SLTM: variants seen among roughly 807,000 people sequenced by gnomAD.
The protein encoded by SLTM is SAFB like transcription modulator.
In SLTM, 43 loss-of-function variants were observed where a neutral mutation model predicts 134.6. The observed-to-expected ratio is 0.32, with a 90% CI of 0.25 to 0.41. SLTM has a LOEUF of 0.41. Ranked by LOEUF, SLTM falls within the 10% of genes least tolerant of loss-of-function variation. The pLI, the probability that SLTM is intolerant of heterozygous loss-of-function variation, is 1.00. For missense variants in SLTM, 1,055 were observed against 1,288.8 expected, an observed-to-expected ratio of 0.82 and a Z score of 2.78; for synonymous variants, 424 against 432.3, an observed-to-expected ratio of 0.98 and a Z score of 0.24.
intron 2 of SLTM, among the ~76,000 whole-genome samples, chr15:58,924,964 C>T (rs1009786726): frequency 6.6e-5 from 10 of 151,406 alleles, no homozygotes; most frequent in South Asian, 2.1e-4. Flanking sequence ...GGATTACAGG[C>T]GTGAGCCACT....
intron 12 of SLTM, 147 bp downstream of exon 12, chr15:58,893,674 A>T: frequency 1.2e-6 from 1 of 809,352 alleles, no homozygotes; most frequent in Non-Finnish European, 1.9e-6. Context: ...AAAAGAAGAC[A>T]ATTACTCCTA....
chr15:58,912,321 G>A (rs569248949), intron 5 of SLTM, among the ~76,000 whole-genome samples: 115 of 151,974 alleles, frequency 7.6e-4, no homozygotes, highest in Non-Finnish European at 1.4e-3. Flanking sequence ...GGATGGTCTC[G>A]ATCTCCTGAC....
intron 5 of SLTM, 64 bp from the exon 6 acceptor site, chr15:58,901,351 A>G: frequency 7.4e-7 from 1 of 1,353,060 alleles, no homozygotes; most frequent in Non-Finnish European, 1.0e-6. Context: ...TAGTAATAGT[A>G]CAAAATCAGC....
At chr15:58,909,317 T>C (rs1320602084) in intron 5 of SLTM, among the ~76,000 whole-genome samples, 3 of 152,056 alleles carry the variant, frequency 2.0e-5, no homozygotes, top group Non-Finnish European at 4.4e-5. Context: ...TTCAAATCCA[T>C]GAGTTCAAAA....
intron 1 of SLTM, 25 bp downstream of exon 1, chr15:58,933,379 C>T: frequency 3.8e-6 from 6 of 1,567,636 alleles, no homozygotes; most frequent in Non-Finnish European, 4.3e-6. Flanking sequence ...CTTCCCGGTC[C>T]TTTCCGGTCC....
chr15:58,912,914 G>A (rs1378356058), intron 4 of SLTM: 4 of 261,906 alleles, frequency 1.5e-5, no homozygotes, highest in Non-Finnish European at 3.0e-5. Flanking sequence ...TTCTTAAAAT[G>A]TACTAACATA....
chr15:58,880,045 C>T lies in SLTM; in HGVS notation c.3059G>A (p.Gly1020Asp), dbSNP rs200215735. The change falls in exon 21 of 21, where the codon GGC becomes GAC. Residue 1020 changes from glycine (G) to aspartate (D), a missense_variant. Around this residue, in one of 3 missense-constraint regions of SLTM, gnomAD observed 776 missense variants for 962.2 expected, o/e 0.81. Transcript: ENST00000380516. ...ACCCTTAAATGGCTTAAATCCGGAGCCACTTCCTCTTGGCATGGAATTGCC... is the reference window on the plus strand; with the variant it reads ...ACCCTTAAATGGCTTAAATCCGGAGTCACTTCCTCTTGGCATGGAATTGCC... ...ISGNSMPRGS[G>D]SGFKPFKGGP... is the part of the protein sequence containing the mutation. 6.2e-7 allele frequency: 1 copy of T among 1,614,032 alleles called. No individual in the cohort carries two copies. Among genetic ancestry groups the T allele is most frequent in the Non-Finnish European group, 8.5e-7 (1 of 1,180,004 alleles).
At chr15:58,917,617 A>G (rs931024298) in intron 2 of SLTM, among the ~76,000 whole-genome samples, 6 of 152,246 alleles carry the variant, frequency 3.9e-5, no homozygotes, top group South Asian at 2.1e-4. Flanking sequence ...GCCACTTAAC[A>G]TAATAACTGA....
At position 58,899,574 on chromosome 15, in the gene SLTM, T is replaced by A; in HGVS notation, c.953A>T (p.Glu318Val). 1 of 1,614,198 alleles carries A rather than the reference T, an allele frequency of 6.2e-7. No individual in the cohort carries two copies. The highest frequency in any genetic ancestry group is 8.5e-7 in the Non-Finnish European group (1 of 1,180,012). The change falls in exon 7 of 21, where the codon GAG becomes GTG. Residue 318 changes from glutamate to valine, a missense_variant. Glu to Val is a moderately radical substitution (Grantham distance 121). This residue lies in a region of SLTM where 776 missense variants were observed against 962.2 expected (regional missense o/e 0.81). Transcript: ENST00000380516. This position sits in a 1 kb window ranked among gnomAD's most constrained non-coding sequence, Gnocchi z 5.0. ...KEDCVKGDPV[E>V]KEARESSKKA... The stretch of plus-strand genomic sequence containing the variant: ...CTTAGAACTTTCTCTGGCTTCCTTC[T>A]CGACAGGGTCACCCTTCACGCAGTC...
chr15:58,922,485 T>C (rs1205540753), intron 2 of SLTM, among the ~76,000 whole-genome samples: 1 of 143,714 alleles, frequency 7.0e-6, no homozygotes, highest in Non-Finnish European at 1.5e-5. Context: ...GTACATAATA[T>C]ACAATATGCA....
At chr15:58,920,608 A>G (rs1452242088) in intron 2 of SLTM, among the ~76,000 whole-genome samples, 1 of 144,658 alleles carries the variant, frequency 6.9e-6, no homozygotes, top group Non-Finnish European at 1.5e-5. Flanking sequence ...GGGCAATGGA[A>G]TGGGACTCCA....
At position 58,933,546 on chromosome 15, in the gene SLTM, G is replaced by A; in HGVS notation, c.20C>T (p.Ala7Val). The A allele has an allele frequency of 1.9e-6, 3 of 1,594,020 alleles. No homozygotes were observed. The highest frequency in any genetic ancestry group is 2.6e-6 in the Non-Finnish European group (3 of 1,171,690). ...ACCCGAGGCGGCCGAGGCTGCCACC[G>A]CACCGGTAGCGGCAGCCATCTTAGA... The part of the protein sequence containing the change: MAAATG[A>V]VAASAASGQA... Residue 7 changes from alanine (A) to valine (V), a missense_variant, in exon 1 of 21, where the codon GCG (alanine) becomes GTG (valine). Transcript: ENST00000380516.
intron 8 of SLTM, 31 bp downstream of exon 8, chr15:58,898,772 A>G: frequency 1.3e-6 from 2 of 1,523,434 alleles, no homozygotes; most frequent in South Asian, 2.3e-5. Flanking sequence ...CAATGTCAAC[A>G]CTGAAATAAA....
intron 20 of SLTM, among the ~76,000 whole-genome samples, chr15:58,880,792 C>T (rs2033636450): frequency 6.6e-6 from 1 of 152,006 alleles, no homozygotes; most frequent in African/African-American, 2.4e-5. Context: ...TCTTGAACTC[C>T]TGGGCTCAAA....
intron 5 of SLTM, among the ~76,000 whole-genome samples, chr15:58,904,429 T>C (rs77676673): frequency 0.013 from 1,908 of 152,180 alleles, 42 homozygotes; most frequent in African/African-American, 0.043. Flanking sequence ...AAACTAAAAA[T>C]ACTAAAAAGC....
chr15:58,901,387 A>G, intron 5 of SLTM, 100 bp from the exon 6 acceptor site: 1 of 960,586 alleles, frequency 1.0e-6, no homozygotes, highest in South Asian at 1.5e-5. Flanking sequence ...GGATAATTTA[A>G]TGATATTATT....
At chr15:58,894,361 C>T (rs2034905453) in intron 10 of SLTM, 72 bp downstream of exon 10, 26 of 1,548,244 alleles carry the variant, frequency 1.7e-5, no homozygotes, top group Non-Finnish European at 2.1e-5. Flanking sequence ...CTCCCTGCTA[C>T]TGTTAACAGC....
chr15:58,906,584 T>C (rs1595888033), intron 5 of SLTM, among the ~76,000 whole-genome samples: 1 of 152,224 alleles, frequency 6.6e-6, no homozygotes, highest in Non-Finnish European at 1.5e-5. Flanking sequence ...TATCTGTACA[T>C]GTATAGGCTA....
rs1390024923 is a variant in SLTM at position 58,912,607 on chromosome 15, T to C, written c.517A>G (p.Ile173Val). Residue 173 changes from isoleucine (I) to valine (V), a missense_variant, in exon 5 of 21, where the codon ATT becomes GTT. Ile to Val is a conservative substitution (Grantham distance 29, BLOSUM62 3). Around this residue, in one of 3 missense-constraint regions of SLTM, gnomAD observed 268 missense variants for 284.3 expected, o/e 0.94. Transcript: ENST00000380516. Reference sequence around the variant, plus strand: ...TCATCTTCACCTTCTTGAGCTTCAATTTCCTAAGTAAAAGGGTATACAATA... The same window carrying C: ...TCATCTTCACCTTCTTGAGCTTCAACTTCCTAAGTAAAAGGGTATACAATA... ...IEKEDIESQE[I>V]EAQEGEDDTF... The C allele has an allele frequency of 1.2e-6, 2 of 1,604,514 alleles. No individual in the cohort carries two copies. Among genetic ancestry groups the C allele is most frequent in the East Asian group, 4.5e-5 (2 of 44,784 alleles).
Sources: allele counts gnomAD v4.1 joint callset (sites outside exome capture counted in the v4.1 genomes callset), GRCh38; gene constraint gnomAD v4.1.1; regional missense constraint gnomAD v4.1.1; non-coding constraint Gnocchi (gnomAD v3.1); transcripts MANE v1.5; gene names NCBI Gene and HGNC (gene_info 2026-07-23, HGNC 2026-07-21).